Variants in BBC3 observed in about 807,000 individuals in gnomAD.
BBC3 encodes BCL2 binding component 3.
In BBC3, 5 loss-of-function variants were observed where a neutral mutation model predicts 18.2. That is an observed-to-expected ratio of 0.27 (90% CI 0.14 to 0.58). BBC3 has a LOEUF of 0.58. Ranked by LOEUF, BBC3 falls within the 20% of genes least tolerant of loss-of-function variation. The pLI is 0.91. For missense variants in BBC3, 224 were observed against 268.9 expected (o/e 0.83, Z 1.17); for synonymous variants, 119 against 128.0 (o/e 0.93, Z 0.47).
rs2123352200 is a variant in BBC3, at chr19:47,221,552, G to A, written c.*250C>T. The A allele has an allele frequency of 4.3e-6, 3 of 697,332 alleles. No homozygotes were observed. Among genetic ancestry groups the A allele is most frequent in the East Asian group, 3.3e-5 (1 of 30,376 alleles). The allele number at this position is 697,332 out of a possible 1,614,324, so 43.2% of individuals were successfully genotyped here. A position where few individuals can be genotyped will look rare whatever the true frequency, so the allele number is the denominator to read the frequency against. ...ACCCCCTCGGTCACCGCCACCTTCC[G>A]ATGCTGAGTCCATCAGCCGTCCCTC... On this transcript the variant is annotated 3_prime_UTR_variant, in exon 4 of 4. Coordinates refer to ENST00000439096, the MANE Select transcript of BBC3 (RefSeq NM_014417.5).
chr19:47,230,659 CA>C lies in BBC3; in HGVS notation c.-16+269del, dbSNP rs755610515. The C allele has an allele frequency of 5.6e-5, 52 of 923,488 alleles. No individual in the cohort carries two copies. In the East Asian group the frequency reaches 2.7e-3, roughly 48 times the overall value. The allele number at this position is 923,488 out of a possible 1,614,324, so 57.2% of individuals were successfully genotyped here. On this transcript the variant is annotated intron_variant, in intron 1 of 3. Coordinates refer to ENST00000439096, the MANE Select transcript of BBC3 (RefSeq NM_014417.5). The surrounding 1 kb of genome is among the most constrained non-coding windows in gnomAD (Gnocchi z 6.7). ...TCTTCCCCGGGGCCGCACTGGCCGC[CA>C]GGGGGCGCTGCCGAGCCCGCACCCC...
chr19:47,232,661 C>T (rs755529978), upstream of BBC3: 2 of 1,462,860 alleles, frequency 1.4e-6, no homozygotes, highest in Non-Finnish European at 1.9e-6. Flanking sequence ...ACTTCCTGCC[C>T]TGCTCTGGTT....
chr19:47,224,942 G>A (rs1402021310), intron 3 of BBC3, among the ~76,000 whole-genome samples: 1 of 147,420 alleles, frequency 6.8e-6, no homozygotes, highest in Non-Finnish European at 1.5e-5. Flanking sequence ...ACAGATTTTC[G>A]CTGTTGTTGC....
chr19:47,231,358 CCTA>C (rs2058913638), upstream of BBC3: 3 of 290,334 alleles, frequency 1.0e-5, no homozygotes, highest in Non-Finnish European at 1.5e-5. This position sits in a 1 kb window ranked among gnomAD's most constrained non-coding sequence, Gnocchi z 4.0. Context: ...CGCGCCCCCC[CCTA>C]CCTCCGCGCC....
Position 47,226,613 on chromosome 19 carries a change from G to A in BBC3, c.416C>T (p.Ala139Val). ...GTCGTCCGCCATCCGCCGCAGCTGG[G>A]CCCCGATCTCCCGGGCCCACTGTTC... ...EEEQWAREIG[A>V]QLRRMADDLN... is the part of the protein sequence containing the mutation. The change falls in exon 3 of 4, where the codon GCC (alanine) becomes GTC (valine). Residue 139 changes from alanine (A) to valine (V), a missense_variant. Physicochemically the swap from Ala to Val is moderately conservative, Grantham distance 64. Transcript: ENST00000439096. 2 of 1,578,850 alleles carry A rather than the reference G, an allele frequency of 1.3e-6. No individual in the cohort carries two copies. The highest frequency in any genetic ancestry group is 2.3e-5 in the South Asian group (2 of 87,162).
chr19:47,224,721 G>GA (rs1424132152), intron 3 of BBC3, among the ~76,000 whole-genome samples: 2 of 149,238 alleles, frequency 1.3e-5, no homozygotes, highest in Non-Finnish European at 3.0e-5. Flanking sequence ...ATGTAGCAGT[G>GA]AAAATGACTT....
At chr19:47,221,966 TGATGGGAGTGGG>T in intron 3 of BBC3, 48 bp from the exon 4 acceptor site, 1 of 1,508,846 alleles carries the variant, frequency 6.6e-7, no homozygotes. Context: ...CTGAGTATGG[TGATGGGAGTGGG>T]GATGGTCAGC....
At position 47,221,699 on chromosome 19, in the gene BBC3, T is replaced by C; in HGVS notation, c.*103A>G. 2 of 1,572,708 alleles carry C rather than the reference T, an allele frequency of 1.3e-6. No individual in the cohort carries two copies. Among genetic ancestry groups the C allele is most frequent in the South Asian group, 1.2e-5 (1 of 86,250 alleles). On this transcript the variant is annotated 3_prime_UTR_variant, in exon 4 of 4. Coordinates refer to ENST00000439096, the MANE Select transcript of BBC3 (RefSeq NM_014417.5). ...GACAGGCAGGGCTGGGAGTCCAGTA[T>C]GCTACATGGTGCAGAGAAAGTCCCC...
chr19:47,222,023 T>A, intron 3 of BBC3, 105 bp from the exon 4 acceptor site: 2 of 1,037,928 alleles, frequency 1.9e-6, no homozygotes, highest in Non-Finnish European at 2.7e-6. Context: ...TCGCCCACCC[T>A]ATTCCAGCTC....
At chr19:47,225,454 T>A (rs1000253110) in intron 3 of BBC3, among the ~76,000 whole-genome samples, 3 of 151,968 alleles carry the variant, frequency 2.0e-5, no homozygotes, top group Non-Finnish European at 4.4e-5. Context: ...CTTCCTTGGC[T>A]CAAGGGACCC....
chr19:47,227,311 G>GGCC (rs2058841719), intron 2 of BBC3: 8 of 89,240 alleles, frequency 9.0e-5, no homozygotes, highest in African/African-American at 1.4e-4. Context: ...ATGCCTTCCT[G>GGCC]CCCCCCCCCC....
chr19:47,232,483 A>T (rs1041799189), upstream of BBC3: 12 of 1,529,886 alleles, frequency 7.8e-6, no homozygotes, highest in African/African-American at 1.7e-4. Context: ...CACTGCACAC[A>T]CGTCGGAGCA....
At chr19:47,231,253 C>T, upstream of BBC3, 1 of 954,936 alleles carries the variant, frequency 1.0e-6, no homozygotes, top group Non-Finnish European at 1.2e-6. The surrounding 1 kb of genome is among the most constrained non-coding windows in gnomAD (Gnocchi z 4.0). Flanking sequence ...CCCGCCCCGC[C>T]CCGCCCCCGC....
rs529213576 is a variant in BBC3 at position 47,228,995 on chromosome 19, T to TACACACACACACACACACACACACACAC, written c.-15-550_-15-549insGTGTGTGTGTGTGTGTGTGTGTGTGTGT. On this transcript the variant is annotated intron_variant, in intron 1 of 3. Coordinates refer to ENST00000439096, the MANE Select transcript of BBC3 (RefSeq NM_014417.5). The surrounding 1 kb of genome is among the most constrained non-coding windows in gnomAD (Gnocchi z 5.5). ...GGACATCACTACTCAGTACACACAA[T>TACACACACACACACACACACACACACAC]ACACACACACCCCCGACCAAAGCAG... is the stretch of plus-strand genomic sequence containing the variant. Among the ~76,000 whole-genome samples, 7 of 151,444 alleles carry TACACACACACACACACACACACACACAC rather than the reference T, an allele frequency of 4.6e-5. No homozygotes were observed. Among genetic ancestry groups the TACACACACACACACACACACACACACAC allele is most frequent in the African/African-American group, 1.7e-4 (7 of 41,104 alleles).
At position 47,231,177 on chromosome 19, in the gene BBC3, G is replaced by A. The variant is rs968592497; in HGVS notation, c.-264C>T. 14 of 983,854 alleles carry A rather than the reference G, an allele frequency of 1.4e-5. No homozygotes were observed. Among genetic ancestry groups the A allele is most frequent in the African/African-American group, 1.8e-5 (1 of 56,896 alleles). The allele number at this position is 983,854 out of a possible 1,614,324, so 60.9% of individuals were successfully genotyped here. On this transcript the variant is annotated 5_prime_UTR_variant, in exon 1 of 4. An upstream open reading frame in the 5' UTR gains an earlier in-frame stop. Coordinates refer to ENST00000439096, the MANE Select transcript of BBC3 (RefSeq NM_014417.5). The surrounding 1 kb of genome is among the most constrained non-coding windows in gnomAD (Gnocchi z 4.0). ...CGCCGCCGCCGCCAGGCGCCCGCTC[G>A]CATGTGGCTCGCGCCGCGTCTCAGG... is the stretch of plus-strand genomic sequence containing the variant.
Position 47,225,484 on chromosome 19 carries a change from G to C in BBC3, c.465+1080C>G, listed in dbSNP as rs186670507. On this transcript the variant is annotated intron_variant, in intron 3 of 3. Coordinates refer to ENST00000439096, the MANE Select transcript of BBC3 (RefSeq NM_014417.5). Reference sequence around the variant, plus strand: ...GGACCCTTTCACCTCAGCCTCCCAAGTAGCTGAGACTACAGGCCCGCGCCA... The same window carrying C: ...GGACCCTTTCACCTCAGCCTCCCAACTAGCTGAGACTACAGGCCCGCGCCA... 2.6e-3 allele frequency among the ~76,000 whole-genome samples: 401 copies of C among 151,782 alleles called. 3 individuals are homozygous for C. The highest frequency in any genetic ancestry group is 9.4e-3 in the African/African-American group (388 of 41,358).
chr19:47,221,559 A>G lies in BBC3; in HGVS notation c.*243T>C, dbSNP rs2058751828. The G allele has an allele frequency of 1.3e-6, 1 of 745,396 alleles. No homozygotes were observed. Among genetic ancestry groups the G allele is most frequent in the Non-Finnish European group, 2.1e-6 (1 of 480,880 alleles). 46.2% of individuals were successfully genotyped at this position (745,396 alleles called of 1,614,324 possible). A position where few individuals can be genotyped will look rare whatever the true frequency, so the allele number is the denominator to read the frequency against. The stretch of plus-strand genomic sequence containing the variant: ...CGGTCACCGCCACCTTCCGATGCTG[A>G]GTCCATCAGCCGTCCCTCTCCTGGC... On this transcript the variant is annotated 3_prime_UTR_variant, in exon 4 of 4. Coordinates refer to ENST00000439096, the MANE Select transcript of BBC3 (RefSeq NM_014417.5).
chr19:47,226,274 A>T (rs1024272950), intron 3 of BBC3, among the ~76,000 whole-genome samples: 26 of 151,664 alleles, frequency 1.7e-4, no homozygotes, highest in African/African-American at 5.8e-4. Context: ...CGCCGCCCTC[A>T]GTCCCCGCGG....
chr19:47,226,957 T>C lies in BBC3; in HGVS notation c.275-203A>G, dbSNP rs868594954. The C allele has an allele frequency of 9.1e-6, 4 of 438,742 alleles. No individual in the cohort carries two copies. In the Middle Eastern group the frequency reaches 1.2e-3, roughly 135 times the overall value. 27.2% of individuals were successfully genotyped at this position (438,742 alleles called of 1,614,324 possible). A position where few individuals can be genotyped will look rare whatever the true frequency, so the allele number is the denominator to read the frequency against. The stretch of plus-strand genomic sequence containing the variant: ...GGACGCCGCTCTGGGGTCACCTGTC[T>C]GGCCAGCTACGTCCCCACGGCCCTT... On this transcript the variant is annotated intron_variant, in intron 2 of 3. Transcript: ENST00000439096.
Sources: gnomAD v4.1 joint callset for allele counts (sites outside exome capture counted in the v4.1 genomes callset) on GRCh38, gnomAD v4.1.1 for gene constraint, Gnocchi (gnomAD v3.1) non-coding constraint, MANE v1.5 for transcripts, NCBI Gene and HGNC (gene_info 2026-07-23, HGNC 2026-07-21) for gene names.